Variants in ATP13A4 observed in about 807,000 individuals in gnomAD.
ATP13A4 encodes ATPase 13A4.
A neutral mutation model predicts 142.5 loss-of-function variants in ATP13A4; 114 were observed. That is an observed-to-expected ratio of 0.80 (90% CI 0.69 to 0.93). The LOEUF is 0.93. Among genes scored for constraint, ATP13A4 ranks in the 40% least tolerant of loss-of-function variants. The pLI is 0.00. For synonymous variants in ATP13A4, 488 were observed against 514.8 expected, an observed-to-expected ratio of 0.95 and a Z score of 0.70; for missense variants, 1,392 against 1,454.0, an observed-to-expected ratio of 0.96 and a Z score of 0.69.
chr3:193,482,602 A>AATTT (rs1280087677), intron 8 of ATP13A4, among the ~76,000 whole-genome samples: 11 of 152,232 alleles, frequency 7.2e-5, no homozygotes, highest in African/African-American at 2.4e-4. Flanking sequence ...GATTTGAACA[A>AATTT]ATACTTCACC....
At chr3:193,447,289 G>A (rs1717012327) in intron 18 of ATP13A4, among the ~76,000 whole-genome samples, 1 of 152,180 alleles carries the variant, frequency 6.6e-6, no homozygotes, top group South Asian at 2.1e-4. Context: ...GGACTGGGGT[G>A]TTAGAAAGGG....
Position 193,400,409 on chromosome 3 carries a change from A to AT in ATP13A4, c.*2242dup, listed in dbSNP as rs1412386057. Among the ~76,000 whole-genome samples the AT allele has an allele frequency of 4.6e-5, 7 of 152,224 alleles. No individual in the cohort carries two copies. Among genetic ancestry groups the AT allele is most frequent in the Non-Finnish European group, 4.4e-5 (3 of 68,028 alleles). ...CAAAGTCTCAGAAAGACAGACAATCATTTTTTTGTTTTGTTTTGTTTTGTT... is the reference window on the plus strand; with the variant it reads ...CAAAGTCTCAGAAAGACAGACAATCATTTTTTTTGTTTTGTTTTGTTTTGTT... On this transcript the variant is annotated 3_prime_UTR_variant, in exon 30 of 30. Transcript: ENST00000342695.
At chr3:193,484,787 T>C (rs142975681) in intron 7 of ATP13A4, among the ~76,000 whole-genome samples, 119 of 152,336 alleles carry the variant, frequency 7.8e-4, no homozygotes, top group African/African-American at 2.7e-3. Context: ...AAAAGAGATA[T>C]GGTTCTTAAC....
chr3:193,439,036 G>A lies in ATP13A4; in HGVS notation c.2549C>T (p.Ala850Val), dbSNP rs1576962451. ...DYFVGMCGDG[A>V]NDCGALKMAH... ...GTAGCTACTTACCCCACAGTCATTG[G>A]CTCCATCACCACACATACCTACAAA... Residue 850 changes from alanine to valine, a missense_variant, in exon 22 of 30, where the codon GCC becomes GTC. Physicochemically the swap from Ala to Val is moderately conservative, Grantham distance 64. Transcript: ENST00000342695. 1 of 1,610,142 alleles carries A rather than the reference G, an allele frequency of 6.2e-7. No individual in the cohort carries two copies. Among genetic ancestry groups the A allele is most frequent in the Non-Finnish European group, 8.5e-7 (1 of 1,176,436 alleles).
At position 193,442,395 on chromosome 3, in the gene ATP13A4, G is replaced by A. The variant is rs1206948040; in HGVS notation, c.2314C>T (p.Gln772Ter). ...AGAAGGTCTGTGTTCAGGAGTACCT[G>A]ATTCCCATACATAATGTGTTTCTTC... Reference protein sequence around the residue: ...EEKKHIMYGNQDNYINIRDEV... With the variant: ...EEKKHIMYGN The change falls in exon 19 of 30, where the codon CAG becomes TAG. Residue 772 changes from glutamine to a stop codon, truncating the protein, a stop_gained and splice_region_variant. Transcript: ENST00000342695. LOFTEE classifies it high-confidence loss of function. 1.9e-6 allele frequency: 3 copies of A among 1,613,656 alleles called. No homozygotes were observed. Among genetic ancestry groups the A allele is most frequent in the Non-Finnish European group, 2.5e-6 (3 of 1,179,580 alleles).
At chr3:193,527,457 C>T (rs1457795609) in intron 1 of ATP13A4, among the ~76,000 whole-genome samples, 1 of 151,964 alleles carries the variant, frequency 6.6e-6, no homozygotes, top group African/African-American at 2.4e-5. Context: ...ACTAAAAATA[C>T]AAAAATTAGC....
At chr3:193,509,170 C>T (rs1721014328) in intron 2 of ATP13A4, among the ~76,000 whole-genome samples, 1 of 152,144 alleles carries the variant, frequency 6.6e-6, no homozygotes, top group Non-Finnish European at 1.5e-5. Context: ...TGTGCCTGCC[C>T]CCAGCAGCCA....
intron 29 of ATP13A4, chr3:193,403,819 TG>T (rs1375073001): frequency 1.0e-6 from 1 of 985,166 alleles, no homozygotes; most frequent in Non-Finnish European, 1.2e-6. Flanking sequence ...AGAAAAAATA[TG>T]GGACGTGAAA....
At chr3:193,455,581 T>C (rs1717560116) in intron 16 of ATP13A4, among the ~76,000 whole-genome samples, 1 of 152,198 alleles carries the variant, frequency 6.6e-6, no homozygotes, top group African/African-American at 2.4e-5. Flanking sequence ...TATACACTGT[T>C]GGTGGGAGTG....
chr3:193,418,558 C>G (rs1364492771), intron 25 of ATP13A4, among the ~76,000 whole-genome samples: 2 of 149,518 alleles, frequency 1.3e-5, no homozygotes, highest in African/African-American at 2.5e-5. Flanking sequence ...TATCTGGCAT[C>G]CAACACCCCA....
upstream of ATP13A4, among the ~76,000 whole-genome samples, chr3:193,558,236 C>G (rs543327841): frequency 2.6e-5 from 4 of 152,320 alleles, no homozygotes; most frequent in South Asian, 8.3e-4. Context: ...TTCTATTTCT[C>G]TTAGGAACAT....
chr3:193,567,360 C>T (rs1307758875), intron 2 of ATP13A4, among the ~76,000 whole-genome samples: 1 of 152,094 alleles, frequency 6.6e-6, no homozygotes, highest in Non-Finnish European at 1.5e-5. Context: ...CAGTTTTCCA[C>T]AATAAACATG....
chr3:193,494,901 G>T (rs1350120320), intron 3 of ATP13A4, among the ~76,000 whole-genome samples: 1 of 151,780 alleles, frequency 6.6e-6, no homozygotes, highest in Non-Finnish European at 1.5e-5. Context: ...AATAAAGTCA[G>T]AAATGAAAAA....
At chr3:193,414,498 A>G (rs1714945455) in intron 26 of ATP13A4, 81 bp downstream of exon 26, 3 of 1,529,930 alleles carry the variant, frequency 2.0e-6, no homozygotes, top group African/African-American at 1.4e-5. Context: ...ATGAAGACCC[A>G]TGTGCCTCCC....
intron 1 of ATP13A4, among the ~76,000 whole-genome samples, chr3:193,532,677 G>T (rs1872534): frequency 0.11 from 16,681 of 151,926 alleles, 1,201 homozygotes; most frequent in Non-Finnish European, 0.16. Flanking sequence ...CATAATTTTT[G>T]ATGCAGTAAT....
chr3:193,493,222 A>G, intron 3 of ATP13A4, 62 bp from the exon 4 acceptor site: 1 of 1,362,168 alleles, frequency 7.3e-7, no homozygotes, highest in Non-Finnish European at 1.0e-6. Context: ...ACAGCAACCC[A>G]GTGGCTAAAG....
At chr3:193,506,155 G>A (rs1720851222) in intron 2 of ATP13A4, among the ~76,000 whole-genome samples, 1 of 152,182 alleles carries the variant, frequency 6.6e-6, no homozygotes, top group Admixed American at 6.5e-5. Context: ...TGGAAAAGCA[G>A]CATCTTTGCC....
At chr3:193,457,307 T>C (rs1452244815) in intron 15 of ATP13A4, 72 bp downstream of exon 15, 1 of 1,589,828 alleles carries the variant, frequency 6.3e-7, no homozygotes, top group Non-Finnish European at 8.6e-7. Flanking sequence ...CTGTGACCTT[T>C]CAAAAACTGG....
chr3:193,402,594 A>G lies in ATP13A4; in HGVS notation c.*58T>C. The G allele has an allele frequency of 1.3e-6, 1 of 786,492 alleles. No individual in the cohort carries two copies. The highest frequency in any genetic ancestry group is 2.3e-6 in the Non-Finnish European group (1 of 426,420). 48.7% of individuals were successfully genotyped at this position (786,492 alleles called of 1,614,324 possible). A position where few individuals can be genotyped will look rare whatever the true frequency, so the allele number is the denominator to read the frequency against. On this transcript the variant is annotated 3_prime_UTR_variant, in exon 30 of 30. Transcript: ENST00000342695. ...AGAGTCTCATTTCTTAAAATCAATGAAACTGGTCCCTTTTGTCATTGTTTC... is the reference window on the plus strand; with the variant it reads ...AGAGTCTCATTTCTTAAAATCAATGGAACTGGTCCCTTTTGTCATTGTTTC...
Sources: gnomAD v4.1 joint callset for allele counts (sites outside exome capture counted in the v4.1 genomes callset) on GRCh38, gnomAD v4.1.1 for gene constraint, MANE v1.5 for transcripts, NCBI Gene and HGNC (gene_info 2026-07-23, HGNC 2026-07-21) for gene names.